Variants in CDYL2 observed in about 807,000 individuals in gnomAD.
CDYL2 encodes chromodomain Y like 2.
In CDYL2, 23 loss-of-function variants were observed where a neutral mutation model predicts 49.4. The ratio of observed to expected loss-of-function variants is 0.47; its 90% CI spans 0.34 to 0.66. The LOEUF (loss-of-function observed/expected upper bound fraction) is 0.66, where lower values mean the gene tolerates loss of function less well. CDYL2 is among the 30% of genes least tolerant of loss of function. The probability of loss-of-function intolerance (pLI) is 0.01; values close to 1 mark genes in which losing one functional copy is unlikely to be tolerated. For synonymous variants in CDYL2, 360 were observed against 268.8 expected, an observed-to-expected ratio of 1.34 and a Z score of -3.32; for missense variants, 678 against 656.4, an observed-to-expected ratio of 1.03 and a Z score of -0.36.
Position 80,633,637 on chromosome 16 carries a change from T to A in CDYL2, c.617-401A>T, listed in dbSNP as rs550476084. Among the ~76,000 whole-genome samples the A allele has an allele frequency of 2.6e-5, 4 of 152,322 alleles. No homozygotes were observed. The South Asian group carries it at 8.3e-4, about 32-fold the overall frequency. On this transcript the variant is annotated intron_variant, in intron 2 of 6. Coordinates refer to ENST00000570137, the MANE Select transcript of CDYL2 (RefSeq NM_152342.4). ...GCAGCTAACCTTTAACCAACCCGTA[T>A]TATGTGCTAAGCACCACCCTCAAAT...
At chr16:80,637,798 G>A (rs1342759696) in intron 2 of CDYL2, among the ~76,000 whole-genome samples, 3 of 152,148 alleles carry the variant, frequency 2.0e-5, no homozygotes, top group Non-Finnish European at 2.9e-5. Flanking sequence ...TTGAGGTGAT[G>A]GATATCTCAA....
chr16:80,735,118 A>G (rs1233794274), intron 1 of CDYL2: 1 of 152,226 alleles, frequency 6.6e-6, no homozygotes, highest in African/African-American at 2.4e-5. Flanking sequence ...TCCACCCTCA[A>G]GGGTGAGAAC....
chr16:80,666,736 G>C (rs1006867132), intron 2 of CDYL2, among the ~76,000 whole-genome samples: 1 of 152,196 alleles, frequency 6.6e-6, no homozygotes, highest in African/African-American at 2.4e-5. Flanking sequence ...ACTGGGCCAG[G>C]GGATGGGCAG....
At chr16:80,719,759 A>G (rs1443003708) in intron 1 of CDYL2, among the ~76,000 whole-genome samples, 2 of 152,158 alleles carry the variant, frequency 1.3e-5, no homozygotes, top group Non-Finnish European at 2.9e-5. Context: ...CAAGCTTCAC[A>G]CTATGTAGTC....
At chr16:80,621,399 G>A (rs1010166078) in intron 3 of CDYL2, among the ~76,000 whole-genome samples, 3 of 152,202 alleles carry the variant, frequency 2.0e-5, no homozygotes, top group Non-Finnish European at 4.4e-5. Flanking sequence ...TACCCCGCAC[G>A]GCCTGCAGGT....
intron 4 of CDYL2, among the ~76,000 whole-genome samples, chr16:80,615,362 C>T (rs1036460184): frequency 1.3e-5 from 2 of 152,132 alleles, no homozygotes; most frequent in Admixed American, 6.5e-5. Flanking sequence ...TGTCAAACAT[C>T]CCATTCCTGA....
chr16:80,602,504 C>T lies in CDYL2; in HGVS notation c.*1884G>A, dbSNP rs1057177602. 3 of 152,184 alleles carry T rather than the reference C, an allele frequency of 2.0e-5. No individual in the cohort carries two copies. Among genetic ancestry groups the T allele is most frequent in the African/African-American group, 7.2e-5 (3 of 41,434 alleles). The allele number at this position is 152,184 out of a possible 1,614,324, so 9.4% of individuals were successfully genotyped here. On this transcript the variant is annotated 3_prime_UTR_variant, in exon 7 of 7. Transcript: ENST00000570137. ...TGTCTCTAGATCTGGTGTAGACTAT[C>T]AACGTGTTCTTTGAAACTCAAAGCT...
chr16:80,732,753 T>G (rs1018073479), intron 1 of CDYL2, among the ~76,000 whole-genome samples: 1 of 152,208 alleles, frequency 6.6e-6, no homozygotes, highest in Non-Finnish European at 1.5e-5. Flanking sequence ...TGACTTTGAA[T>G]TGGCAGACTG....
chr16:80,603,640 G>C lies in CDYL2; in HGVS notation c.*748C>G, dbSNP rs145510937. 6.6e-6 allele frequency: 1 copy of C among 152,494 alleles called. No homozygotes were observed. Among genetic ancestry groups the C allele is most frequent in the African/African-American group, 2.4e-5 (1 of 41,384 alleles). 9.4% of individuals were successfully genotyped at this position (152,494 alleles called of 1,614,324 possible). A position where few individuals can be genotyped will look rare whatever the true frequency, so the allele number is the denominator to read the frequency against. On this transcript the variant is annotated 3_prime_UTR_variant, in exon 7 of 7. Coordinates refer to ENST00000570137, the MANE Select transcript of CDYL2 (RefSeq NM_152342.4). ...GAAAATAGTATCTGTGTGAACAACA[G>C]ACATCACAATATATAAACAAAAATA...
At chr16:80,736,360 C>T (rs1905529311) in intron 1 of CDYL2, 1 of 152,230 alleles carries the variant, frequency 6.6e-6, no homozygotes, top group Admixed American at 6.5e-5. Context: ...GCAACACTGT[C>T]CAACACACAG....
chr16:80,729,440 G>A (rs1905259483), intron 1 of CDYL2, among the ~76,000 whole-genome samples: 1 of 152,122 alleles, frequency 6.6e-6, no homozygotes, highest in South Asian at 2.1e-4. Flanking sequence ...GGAGCACCCA[G>A]ATTCCTAAAG....
chr16:80,726,459 G>C (rs998024091), intron 1 of CDYL2, among the ~76,000 whole-genome samples: 1 of 152,106 alleles, frequency 6.6e-6, no homozygotes, highest in Non-Finnish European at 1.5e-5. Context: ...TAAAACTGAA[G>C]TTCTATTTAG....
chr16:80,655,065 G>A (rs747018093), intron 2 of CDYL2, among the ~76,000 whole-genome samples: 9 of 152,216 alleles, frequency 5.9e-5, no homozygotes, highest in Non-Finnish European at 1.0e-4. Flanking sequence ...TTTGGTGGGC[G>A]CAGGGTGTCA....
At chr16:80,792,815 A>C (rs567387260) in intron 1 of CDYL2, among the ~76,000 whole-genome samples, 2 of 152,200 alleles carry the variant, frequency 1.3e-5, no homozygotes, top group African/African-American at 4.8e-5. Flanking sequence ...CCTCAAAGGG[A>C]ACTGCCCTCT....
At chr16:80,730,882 A>G (rs1360696610) in intron 1 of CDYL2, among the ~76,000 whole-genome samples, 1 of 152,256 alleles carries the variant, frequency 6.6e-6, no homozygotes, top group Non-Finnish European at 1.5e-5. Context: ...TCACATTTAT[A>G]TAAAATTGTG....
chr16:80,803,977 G>C (rs1357524562), intron 1 of CDYL2, among the ~76,000 whole-genome samples, 173 bp downstream of exon 1: 1 of 135,214 alleles, frequency 7.4e-6, no homozygotes, highest in South Asian at 2.5e-4. Context: ...GGCGGGCGGC[G>C]GGCGGGAGGC....
intron 2 of CDYL2, among the ~76,000 whole-genome samples, chr16:80,656,269 G>T (rs757836256): frequency 2.0e-5 from 3 of 152,220 alleles, no homozygotes; most frequent in Non-Finnish European, 4.4e-5. Flanking sequence ...ATTGGTGAGT[G>T]TCCCTAATCA....
chr16:80,676,440 C>T (rs992103358), intron 2 of CDYL2, among the ~76,000 whole-genome samples: 2 of 152,160 alleles, frequency 1.3e-5, no homozygotes, highest in African/African-American at 4.8e-5. Context: ...CCCTTCCTGA[C>T]CTCTCAGTGG....
intron 1 of CDYL2, among the ~76,000 whole-genome samples, chr16:80,721,545 G>A (rs1044501002): frequency 6.6e-6 from 1 of 152,166 alleles, no homozygotes; most frequent in Non-Finnish European, 1.5e-5. Context: ...TTGTCTGCAG[G>A]AGCCCAGTCA....
Sources: allele counts gnomAD v4.1 joint callset (sites outside exome capture counted in the v4.1 genomes callset), GRCh38; gene constraint gnomAD v4.1.1; transcripts MANE v1.5; gene names NCBI Gene and HGNC (gene_info 2026-07-23, HGNC 2026-07-21).